The following CNKSR3 variants were observed in gnomAD, a reference collection of about 807,000 sequenced individuals.
The protein encoded by CNKSR3 is CNKSR family member 3, also known as connector enhancer of kinase suppressor of ras 3.
Under a neutral mutation model 67.7 loss-of-function variants are expected in CNKSR3, and 36 were observed. The ratio of observed to expected loss-of-function variants is 0.53; its 90% confidence interval spans 0.41 to 0.70. The LOEUF (loss-of-function observed/expected upper bound fraction) is 0.70, where lower values mean the gene tolerates loss of function less well. Ranked by LOEUF, CNKSR3 falls within the 30% of genes least tolerant of loss-of-function variation. The probability of loss-of-function intolerance (pLI) is 0.00; values close to 1 mark genes in which losing one functional copy is unlikely to be tolerated. For synonymous variants in CNKSR3, 281 were observed against 271.4 expected, an observed-to-expected ratio of 1.04 and a Z score of -0.35; for missense variants, 630 against 695.2, an observed-to-expected ratio of 0.91 and a Z score of 1.05.
intron 5 of CNKSR3, among the ~76,000 whole-genome samples, chr6:154,431,440 C>CA (rs34060385): frequency 0.042 from 3,859 of 92,856 alleles, 79 homozygotes; most frequent in Middle Eastern, 0.078. Flanking sequence ...GAGACTCTGT[C>CA]AAAAAAAAAA....
At chr6:154,479,241 A>C (rs192997639) in intron 1 of CNKSR3, among the ~76,000 whole-genome samples, 1 of 152,098 alleles carries the variant, frequency 6.6e-6, no homozygotes, top group African/African-American at 2.4e-5. Context: ...ATATTCTTTC[A>C]GTGCAGATTC....
rs1361218 is a variant in CNKSR3 at position 154,394,978 on chromosome 6, G to A, written c.*11376C>T. On this transcript the variant is annotated 3_prime_UTR_variant, in exon 13 of 13. Transcript: ENST00000607772. ...CTGAGCACAGAGAATGAATCTAGGA[G>A]AGAGGTGACTGGTTTGGGCTGCATC... 82,821 of 152,018 alleles carry A rather than the reference G, an allele frequency of 0.54. 23,594 individuals carry two copies. Among genetic ancestry groups the A allele is most frequent in the East Asian group, 0.88 (4,558 of 5,166 alleles). 9.4% of individuals were successfully genotyped at this position (152,018 alleles called of 1,614,324 possible). A position where few individuals can be genotyped will look rare whatever the true frequency, so the allele number is the denominator to read the frequency against.
In CNKSR3 at chr6:154,394,510, G is replaced by T. The variant is rs541612158; in HGVS notation, c.*11844C>A. The T allele has an allele frequency of 1.3e-5, 2 of 151,628 alleles. No homozygotes were observed. Among genetic ancestry groups the T allele is most frequent in the South Asian group, 4.2e-4 (2 of 4,798 alleles). 9.4% of individuals were successfully genotyped at this position (151,628 alleles called of 1,614,324 possible). Reference sequence around the variant, plus strand: ...ACAGCCACAGAGCATTACCCAACCTGGAACATCCAAAGTGGACGTTGATGA... The same window carrying T: ...ACAGCCACAGAGCATTACCCAACCTTGAACATCCAAAGTGGACGTTGATGA... On this transcript the variant is annotated 3_prime_UTR_variant, in exon 13 of 13. Coordinates refer to ENST00000607772, the MANE Select transcript of CNKSR3 (RefSeq NM_173515.4).
chr6:154,465,408 G>A (rs1299602626), intron 1 of CNKSR3, among the ~76,000 whole-genome samples: 1 of 152,070 alleles, frequency 6.6e-6, no homozygotes, highest in African/African-American at 2.4e-5. Flanking sequence ...GTCACTTTCT[G>A]CATGGCAGGT....
rs1469151282 is a variant in CNKSR3 at position 154,391,235 on chromosome 6, A to G, written c.*15119T>C. The G allele has an allele frequency of 6.7e-6, 1 of 149,776 alleles. No homozygotes were observed. Among genetic ancestry groups the G allele is most frequent in the African/African-American group, 2.5e-5 (1 of 40,638 alleles). 9.3% of individuals were successfully genotyped at this position (149,776 alleles called of 1,614,324 possible). A position where few individuals can be genotyped will look rare whatever the true frequency, so the allele number is the denominator to read the frequency against. On this transcript the variant is annotated 3_prime_UTR_variant, in exon 13 of 13. Coordinates refer to ENST00000607772, the MANE Select transcript of CNKSR3 (RefSeq NM_173515.4). ...ATAATGACTGCATTTTAACTGAATCACTTTTTTTCTTTTTTTGAGACGGGG... is the reference window on the plus strand; with the variant it reads ...ATAATGACTGCATTTTAACTGAATCGCTTTTTTTCTTTTTTTGAGACGGGG...
At position 154,394,736 on chromosome 6, in the gene CNKSR3, T is replaced by C. The variant is rs1393344244; in HGVS notation, c.*11618A>G. 2.0e-5 allele frequency: 3 copies of C among 152,032 alleles called. No homozygotes were observed. The highest frequency in any genetic ancestry group is 2.0e-4 in the Admixed American group (3 of 15,258). The allele number at this position is 152,032 out of a possible 1,614,324, so 9.4% of individuals were successfully genotyped here. A position where few individuals can be genotyped will look rare whatever the true frequency, so the allele number is the denominator to read the frequency against. The stretch of plus-strand genomic sequence containing the variant: ...CAGAAAGGCCCAACAAAGGGACCAC[T>C]GTTCTTTCCTGAACCTTAGGAAAGC... On this transcript the variant is annotated 3_prime_UTR_variant, in exon 13 of 13. Transcript: ENST00000607772.
chr6:154,506,414 G>T (rs533034136), intron 1 of CNKSR3, among the ~76,000 whole-genome samples: 1 of 152,256 alleles, frequency 6.6e-6, no homozygotes, highest in East Asian at 1.9e-4. Flanking sequence ...GCTGCATGAG[G>T]TGGCCATGTG....
At chr6:154,431,817 T>C (rs151024353) in intron 5 of CNKSR3, among the ~76,000 whole-genome samples, 298 of 152,342 alleles carry the variant, frequency 2.0e-3, no homozygotes, top group Non-Finnish European at 3.4e-3. Flanking sequence ...GTTTCCTCCA[T>C]ATCTTTTCAT....
At chr6:154,459,424 AT>A (rs1157546751) in intron 1 of CNKSR3, among the ~76,000 whole-genome samples, 19 of 152,298 alleles carry the variant, frequency 1.2e-4, no homozygotes, top group Admixed American at 3.3e-4. Flanking sequence ...CCCACTGGCC[AT>A]TTTTTGGGGT....
intron 4 of CNKSR3, 94 bp downstream of exon 4, chr6:154,441,198 A>G (rs1785573158): frequency 2.5e-6 from 2 of 814,388 alleles, no homozygotes; most frequent in African/African-American, 1.8e-5. Context: ...AGAGGAGAGT[A>G]GTACTTCATA....
intron 4 of CNKSR3, among the ~76,000 whole-genome samples, chr6:154,439,579 C>A (rs901189934): frequency 6.6e-6 from 1 of 152,110 alleles, no homozygotes; most frequent in East Asian, 1.9e-4. Context: ...TTTAATTGAT[C>A]GCTAGTAAAC....
At chr6:154,407,071 C>T (rs1259303854) in intron 12 of CNKSR3, among the ~76,000 whole-genome samples, 1 of 152,170 alleles carries the variant, frequency 6.6e-6, no homozygotes, top group Admixed American at 6.5e-5. Flanking sequence ...CTGCTCTCCT[C>T]CCTGGATTGG....
intron 9 of CNKSR3, among the ~76,000 whole-genome samples, chr6:154,418,147 C>G (rs534234073): frequency 6.6e-6 from 1 of 152,300 alleles, no homozygotes; most frequent in Non-Finnish European, 1.5e-5. Flanking sequence ...TGGCCCTCAG[C>G]TGACGGAGCT....
At chr6:154,504,467 A>G (rs149034801) in intron 1 of CNKSR3, among the ~76,000 whole-genome samples, 19 of 152,358 alleles carry the variant, frequency 1.2e-4, no homozygotes, top group African/African-American at 4.1e-4. Context: ...GAGAGCTTAC[A>G]TAAGATCACA....
At chr6:154,470,143 T>C (rs1050475214) in intron 1 of CNKSR3, among the ~76,000 whole-genome samples, 2 of 151,072 alleles carry the variant, frequency 1.3e-5, no homozygotes, top group African/African-American at 4.9e-5. Flanking sequence ...TCATTCTTTA[T>C]TTCTTATTCT....
chr6:154,465,473 C>T (rs1266405891), intron 1 of CNKSR3, among the ~76,000 whole-genome samples: 1 of 152,094 alleles, frequency 6.6e-6, no homozygotes, highest in Non-Finnish European at 1.5e-5. Context: ...CTAGCATCCC[C>T]TCATATGTGT....
chr6:154,400,345 G>C lies in CNKSR3; in HGVS notation c.*6009C>G, dbSNP rs1784703599. The C allele has an allele frequency of 6.6e-6, 1 of 152,238 alleles. No individual in the cohort carries two copies. The highest frequency in any genetic ancestry group is 1.5e-5 in the Non-Finnish European group (1 of 68,046). The allele number at this position is 152,238 out of a possible 1,614,324, so 9.4% of individuals were successfully genotyped here. A position where few individuals can be genotyped will look rare whatever the true frequency, so the allele number is the denominator to read the frequency against. On this transcript the variant is annotated 3_prime_UTR_variant, in exon 13 of 13. Coordinates refer to ENST00000607772, the MANE Select transcript of CNKSR3 (RefSeq NM_173515.4). ...GGTATGTTGTAAATGGGCAGCGCAT[G>C]AACAGGTGATCAACTCAGAAGACGA...
At chr6:154,431,799 A>G (rs1785374284) in intron 5 of CNKSR3, among the ~76,000 whole-genome samples, 1 of 151,440 alleles carries the variant, frequency 6.6e-6, no homozygotes, top group South Asian at 2.1e-4. Flanking sequence ...TTAACAACAT[A>G]CTTGTAAGTT....
At chr6:154,476,449 C>T (rs1445219402) in intron 1 of CNKSR3, among the ~76,000 whole-genome samples, 1 of 123,406 alleles carries the variant, frequency 8.1e-6, no homozygotes, top group African/African-American at 3.6e-5. Flanking sequence ...AAGAGCGAAA[C>T]TATGTCTCAA....
Sources: gnomAD v4.1 joint callset for allele counts (sites outside exome capture counted in the v4.1 genomes callset) on GRCh38, gnomAD v4.1.1 for gene constraint, MANE v1.5 for transcripts, NCBI Gene and HGNC (gene_info 2026-07-23, HGNC 2026-07-21) for gene names.